RASGRF1: variants seen among roughly 807,000 people sequenced by gnomAD.
RASGRF1 encodes Ras protein specific guanine nucleotide releasing factor 1.
RASGRF1 carries 40 observed loss-of-function variants against 138.7 expected under a neutral mutation model. That is an observed-to-expected ratio of 0.29 (90% CI 0.22 to 0.38). The LOEUF is 0.38. Ranked by LOEUF, RASGRF1 falls within the 10% of genes least tolerant of loss-of-function variation. RASGRF1 has a pLI of 1.00. For synonymous variants in RASGRF1, 614 were observed against 663.2 expected, an observed-to-expected ratio of 0.93 and a Z score of 1.14; for missense variants, 1,108 against 1,650.4, an observed-to-expected ratio of 0.67 and a Z score of 5.69.
chr15:78,979,118 C>A (rs1464622134), intron 24 of RASGRF1: 1 of 1,289,826 alleles, frequency 7.8e-7, no homozygotes, highest in Non-Finnish European at 1.0e-6. Context: ...ACGGAGGGGG[C>A]AGCTCCCCAC....
intron 24 of RASGRF1, chr15:78,979,397 T>C (rs1029504621): frequency 3.8e-6 from 1 of 261,984 alleles, no homozygotes; most frequent in African/African-American, 2.2e-5. Context: ...CTGGGGGTAG[T>C]AAACTCTGGT....
chr15:79,078,664 C>T lies in RASGRF1; in HGVS notation c.276+11559G>A, dbSNP rs1045719502. On this transcript the variant is annotated intron_variant, in intron 1 of 26. Transcript: ENST00000558480. ...GTGGCTTCATGCAGGGTCAGGACCC[C>T]ACTTTGTGACCTCCTTCCTAGCTCC... is the stretch of plus-strand genomic sequence containing the variant. Among the ~76,000 whole-genome samples, 3 of 152,182 alleles carry T rather than the reference C, an allele frequency of 2.0e-5. No individual in the cohort carries two copies. In the South Asian group the frequency reaches 6.2e-4, roughly 32 times the overall value.
intron 14 of RASGRF1, chr15:79,005,236 T>C (rs1019432759): frequency 2.0e-6 from 2 of 985,438 alleles, no homozygotes; most frequent in Admixed American, 6.2e-5. Flanking sequence ...ACGGGTGTAT[T>C]CTGGGTCGTT....
At chr15:78,976,837 C>A (rs1037011836) in intron 24 of RASGRF1, among the ~76,000 whole-genome samples, 2 of 152,250 alleles carry the variant, frequency 1.3e-5, no homozygotes, top group Non-Finnish European at 2.9e-5. Flanking sequence ...GCCTATCAAG[C>A]AGAGCTGATA....
chr15:79,025,265 G>GGC, intron 10 of RASGRF1, 49 bp downstream of exon 10: 3 of 1,535,712 alleles, frequency 2.0e-6, no homozygotes, highest in Non-Finnish European at 2.6e-6. Context: ...GACAGCGCCT[G>GGC]CATGACCCTA....
At position 79,090,215 on chromosome 15, in the gene RASGRF1, C is replaced by G. The variant is rs369719998; in HGVS notation, c.276+8G>C. 9 of 1,595,334 alleles carry G rather than the reference C, an allele frequency of 5.6e-6. No individual in the cohort carries two copies. Among genetic ancestry groups the G allele is most frequent in the Non-Finnish European group, 7.7e-6 (9 of 1,173,990 alleles). On this transcript the variant is annotated splice_region_variant and intron_variant, in intron 1 of 26. Transcript: ENST00000558480. ...CGCAGGGAGGTCAGGACGCGACGCT[C>G]GCCTCACCTGTTTCTCCAGCGGCTC...
chr15:79,004,012 T>TGG lies in RASGRF1; in HGVS notation c.2237_2238dup (p.Ile747ProfsTer77). 6.2e-7 allele frequency: 1 copy of TGG among 1,613,846 alleles called. No homozygotes were observed. The highest frequency in any genetic ancestry group is 2.2e-5 in the East Asian group (1 of 44,850). On this transcript the variant is annotated frameshift_variant, in exon 15 of 27. Transcript: ENST00000558480. LOFTEE classifies it high-confidence loss of function. ...TCCAGGGCCTTGCCGCCAGTGATGA[T>TGG]GGGGATGTTCAGGGAGAGCTTCCGC... is the stretch of plus-strand genomic sequence containing the variant.
intron 22 of RASGRF1, chr15:78,985,405 A>G: frequency 1.9e-6 from 1 of 530,180 alleles, no homozygotes; most frequent in Non-Finnish European, 3.3e-6. Context: ...ATACATTAGC[A>G]ATAATCAATT....
chr15:78,995,290 C>CTTT lies in RASGRF1; in HGVS notation c.3027+447_3027+449dup, dbSNP rs35098582. ...GAGAGAATACATTTCTTTTTTCTTT[C>CTTT]TTTTTTTTTTTTTTTGAGATGGAGT... On this transcript the variant is annotated intron_variant, in intron 20 of 26. Coordinates refer to ENST00000558480, the MANE Select transcript of RASGRF1 (RefSeq NM_001145648.3). Among the ~76,000 whole-genome samples, 423 of 132,438 alleles carry CTTT rather than the reference C, an allele frequency of 3.2e-3. 7 individuals carry two copies. Among genetic ancestry groups the CTTT allele is most frequent in the African/African-American group, 9.6e-3 (331 of 34,334 alleles). The allele number at this position is 132,438 out of a possible 152,430, so 86.9% of individuals were successfully genotyped here.
rs1276923287 is a variant in RASGRF1 at position 78,998,191 on chromosome 15, A to G, written c.2871T>C (p.Asp957=). ...SKHSQDFETN[D]ELKCKVIGFL... ...AGCCGATCACCTTGCATTTGAGCTC[A>G]TCGTTGGTCTCAAAGTCCTGCCGGG... The change falls in exon 19 of 27, where the codon GAT becomes GAC. Residue 957 remains aspartate (D), a synonymous_variant. Transcript: ENST00000558480. The G allele has an allele frequency of 6.2e-7, 1 of 1,613,792 alleles. No homozygotes were observed. Among genetic ancestry groups the G allele is most frequent in the Non-Finnish European group, 8.5e-7 (1 of 1,179,826 alleles).
chr15:79,001,264 A>G (rs1264427487), intron 16 of RASGRF1, among the ~76,000 whole-genome samples: 1 of 150,308 alleles, frequency 6.7e-6, no homozygotes, highest in Non-Finnish European at 1.5e-5. Context: ...TCTTCCATGA[A>G]TGAGCCCTAG....
At chr15:78,998,374 C>G in intron 18 of RASGRF1, 166 bp from the exon 19 acceptor site, 3 of 668,048 alleles carry the variant, frequency 4.5e-6, no homozygotes, top group Non-Finnish European at 8.0e-6. Context: ...GAGAGGCTCT[C>G]CAGGCCTAGA....
chr15:78,990,010 G>C, intron 22 of RASGRF1, 179 bp downstream of exon 22: 1 of 627,708 alleles, frequency 1.6e-6, no homozygotes, highest in Non-Finnish European at 2.8e-6. Flanking sequence ...CTTAATAGGA[G>C]AAGAGACTGA....
intron 3 of RASGRF1, among the ~76,000 whole-genome samples, chr15:79,058,072 A>G (rs1444170073): frequency 6.6e-6 from 1 of 152,264 alleles, no homozygotes; most frequent in Non-Finnish European, 1.5e-5. Context: ...CCTGTTTTAC[A>G]GCTGCAGAAA....
intron 26 of RASGRF1, among the ~76,000 whole-genome samples, chr15:78,965,585 TTA>T (rs1478575394): frequency 6.6e-6 from 1 of 152,192 alleles, no homozygotes; most frequent in Non-Finnish European, 1.5e-5. Flanking sequence ...GCGCAGTGGC[TTA>T]TGTCTGTAAT....
At chr15:79,048,729 C>G (rs1236057273) in intron 4 of RASGRF1, among the ~76,000 whole-genome samples, 1 of 152,214 alleles carries the variant, frequency 6.6e-6, no homozygotes, top group Non-Finnish European at 1.5e-5. Flanking sequence ...CTCAAAATCT[C>G]AAACACACTG....
chr15:79,065,239 C>T (rs1414193207), intron 1 of RASGRF1, among the ~76,000 whole-genome samples: 1 of 152,142 alleles, frequency 6.6e-6, no homozygotes, highest in Non-Finnish European at 1.5e-5. Flanking sequence ...TGTGGGGGCA[C>T]AGAGAAAGTC....
chr15:78,988,855 TTTC>T (rs1330225353), intron 22 of RASGRF1, among the ~76,000 whole-genome samples: 1 of 150,086 alleles, frequency 6.7e-6, no homozygotes, highest in African/African-American at 2.5e-5. Flanking sequence ...TTTTTTTTTT[TTTC>T]CTCACACAGC....
rs2057409983 is a variant in RASGRF1, at chr15:79,050,070, T to C, written c.532-482A>G. Among the ~76,000 whole-genome samples the C allele has an allele frequency of 1.3e-5, 2 of 152,242 alleles. No individual in the cohort carries two copies. The highest frequency in any genetic ancestry group is 4.8e-5 in the African/African-American group (2 of 41,458). On this transcript the variant is annotated intron_variant, in intron 3 of 26. Transcript: ENST00000558480. This position sits in a 1 kb window ranked among gnomAD's most constrained non-coding sequence, Gnocchi z 4.1. ...AGTGGCATTAAGGACATTCACATTG[T>C]TGTGCAACCATCACCACCATTTACC...
Sources: gnomAD v4.1 joint callset for allele counts (sites outside exome capture counted in the v4.1 genomes callset) on GRCh38, gnomAD v4.1.1 for gene constraint, Gnocchi (gnomAD v3.1) non-coding constraint, MANE v1.5 for transcripts, NCBI Gene and HGNC (gene_info 2026-07-23, HGNC 2026-07-21) for gene names.